GRIN2B: variants seen among roughly 807,000 people sequenced by gnomAD.
GRIN2B encodes glutamate receptor ionotropic, NMDA 2B.
Under a neutral mutation model 114.5 loss-of-function variants are expected in GRIN2B, and 5 were observed. The observed-to-expected ratio is 0.04, with a 90% CI of 0.02 to 0.09. The LOEUF (loss-of-function observed/expected upper bound fraction) is 0.09. Among genes scored for constraint, GRIN2B ranks in the 10% least tolerant of loss-of-function variants. The probability of loss-of-function intolerance (pLI) is 1.00; values close to 1 mark genes in which losing one functional copy is unlikely to be tolerated. For synonymous variants in GRIN2B, 787 were observed against 745.1 expected, an observed-to-expected ratio of 1.06 and a Z score of -0.92; for missense variants, 1,108 against 1,943.5, an observed-to-expected ratio of 0.57 and a Z score of 8.08.
At chr12:13,579,062 G>A (rs1161947931) in intron 10 of GRIN2B, among the ~76,000 whole-genome samples, 1 of 152,166 alleles carries the variant, frequency 6.6e-6, no homozygotes, top group African/African-American at 2.4e-5. Flanking sequence ...CCCAGAGCCT[G>A]TGCACTGGGG....
intron 10 of GRIN2B, among the ~76,000 whole-genome samples, chr12:13,581,595 G>A (rs1244621775): frequency 3.9e-5 from 6 of 152,160 alleles, no homozygotes; most frequent in African/African-American, 9.7e-5. Flanking sequence ...GTGAAAAGGA[G>A]GTAATCTGTG....
intron 10 of GRIN2B, among the ~76,000 whole-genome samples, chr12:13,572,945 C>T (rs1473775471): frequency 6.6e-6 from 1 of 152,212 alleles, no homozygotes; most frequent in Non-Finnish European, 1.5e-5. Context: ...CAATTACTCT[C>T]TAAATGTGCT....
intron 2 of GRIN2B, among the ~76,000 whole-genome samples, chr12:13,968,935 A>G (rs80287381): frequency 0.018 from 2,717 of 152,340 alleles, 40 homozygotes; most frequent in Middle Eastern, 0.054. Flanking sequence ...AGAATCTTCA[A>G]AATGTCCAAG....
At chr12:13,912,914 C>A (rs1020404437) in intron 2 of GRIN2B, among the ~76,000 whole-genome samples, 1 of 152,046 alleles carries the variant, frequency 6.6e-6, no homozygotes, top group African/African-American at 2.4e-5. Context: ...GCTTAGAAAA[C>A]GAAGTAGGCA....
At chr12:13,648,957 G>C (rs1023883879) in intron 5 of GRIN2B, among the ~76,000 whole-genome samples, 1 of 152,050 alleles carries the variant, frequency 6.6e-6, no homozygotes, top group African/African-American at 2.4e-5. Flanking sequence ...GGAGAAGAAA[G>C]AGGGATAAGA....
chr12:13,716,985 T>C (rs1246110355), intron 4 of GRIN2B, among the ~76,000 whole-genome samples: 1 of 151,814 alleles, frequency 6.6e-6, no homozygotes, highest in Admixed American at 6.6e-5. Context: ...AACGGTCAGT[T>C]CTCAACAGAA....
At chr12:13,856,861 A>G (rs116622228) in intron 3 of GRIN2B, among the ~76,000 whole-genome samples, 1,767 of 152,140 alleles carry the variant, frequency 0.012, 36 homozygotes, top group African/African-American at 0.04. Flanking sequence ...TCCAGCCCAA[A>G]TCATTCACTC....
At chr12:13,864,539 C>A (rs1270558668) in intron 3 of GRIN2B, among the ~76,000 whole-genome samples, 1 of 152,174 alleles carries the variant, frequency 6.6e-6, no homozygotes, top group Non-Finnish European at 1.5e-5. Context: ...ACTAACTATT[C>A]TAAGACGTGA....
rs148787143 is a variant in GRIN2B at position 13,668,055 on chromosome 12, G to A, written c.1125+7690C>T. On this transcript the variant is annotated intron_variant, in intron 5 of 13. Transcript: ENST00000609686. ...TTAGAGGACTCAGGGACAAACCACA[G>A]ATAACTGTCATGAAACAAAAATCTC... Among the ~76,000 whole-genome samples, 822 of 152,236 alleles carry A rather than the reference G, an allele frequency of 5.4e-3. 4 individuals are homozygous for A. The highest frequency in any genetic ancestry group is 6.6e-3 in the Non-Finnish European group (449 of 68,010).
At chr12:13,686,574 G>T (rs1395566952) in intron 4 of GRIN2B, among the ~76,000 whole-genome samples, 3 of 151,802 alleles carry the variant, frequency 2.0e-5, no homozygotes, top group Admixed American at 2.0e-4. Context: ...TTTGACCAGG[G>T]CAAATCACAA....
chr12:13,880,905 C>G (rs983686750), intron 2 of GRIN2B, among the ~76,000 whole-genome samples: 1 of 152,164 alleles, frequency 6.6e-6, no homozygotes, highest in Non-Finnish European at 1.5e-5. Flanking sequence ...GGTTGTTCCA[C>G]AGCCTATTTG....
At chr12:13,679,642 A>T (rs188726354) in intron 4 of GRIN2B, among the ~76,000 whole-genome samples, 3 of 152,306 alleles carry the variant, frequency 2.0e-5, no homozygotes. Context: ...TTAATCATTC[A>T]CACTGTGTTT....
chr12:13,548,934 C>T lies in GRIN2B; in HGVS notation c.*13849G>A, dbSNP rs1948379227. 1 of 151,938 alleles carries T rather than the reference C, an allele frequency of 6.6e-6. No homozygotes were observed. Among genetic ancestry groups the T allele is most frequent in the Admixed American group, 6.6e-5 (1 of 15,250 alleles). 9.4% of individuals were successfully genotyped at this position (151,938 alleles called of 1,614,324 possible). A position where few individuals can be genotyped will look rare whatever the true frequency, so the allele number is the denominator to read the frequency against. On this transcript the variant is annotated 3_prime_UTR_variant, in exon 14 of 14. Coordinates refer to ENST00000609686, the MANE Select transcript of GRIN2B (RefSeq NM_000834.5). ...TTGATGGTATAGAAGTCTCCTCACT[C>T]ATTCATCTAAGGACTTTTCCATCTT... is the stretch of plus-strand genomic sequence containing the variant.
At position 13,962,010 on chromosome 12, in the gene GRIN2B, T is replaced by C. The variant is rs147129351; in HGVS notation, c.-19+17918A>G. 2.5e-3 allele frequency among the ~76,000 whole-genome samples: 386 copies of C among 152,230 alleles called. 1 individual carries two copies. The highest frequency in any genetic ancestry group is 3.5e-3 in the Non-Finnish European group (240 of 68,012). On this transcript the variant is annotated intron_variant, in intron 2 of 13. Transcript: ENST00000609686. ...ACAGAAATCAGAATCAGTGCCCTTA[T>C]GAATATACCCTAAAGTTCTTATACC...
intron 2 of GRIN2B, among the ~76,000 whole-genome samples, chr12:13,887,259 T>A (rs984328990): frequency 6.6e-6 from 1 of 152,374 alleles, no homozygotes; most frequent in East Asian, 1.9e-4. Flanking sequence ...TTCTTAAAAC[T>A]TTTTAATAAT....
At chr12:13,565,793 G>A (rs532913644) in intron 13 of GRIN2B, among the ~76,000 whole-genome samples, 1 of 152,314 alleles carries the variant, frequency 6.6e-6, no homozygotes, top group South Asian at 2.1e-4. Flanking sequence ...AAAGAAGAAA[G>A]GTTTAGACAA....
chr12:13,779,100 G>A (rs1002273675), intron 3 of GRIN2B, among the ~76,000 whole-genome samples: 2 of 152,164 alleles, frequency 1.3e-5, no homozygotes, highest in Admixed American at 1.3e-4. Flanking sequence ...CCAGGCTGGA[G>A]TGCAGTGGTG....
chr12:13,567,317 CAGAGA>C, intron 12 of GRIN2B, 54 bp from the exon 13 acceptor site: 1 of 1,302,594 alleles, frequency 7.7e-7, no homozygotes, highest in South Asian at 1.2e-5. Context: ...AGGAAAGGAG[CAGAGA>C]AAAGGGAGAA....
intron 2 of GRIN2B, among the ~76,000 whole-genome samples, chr12:13,910,979 T>A (rs914102029): frequency 6.6e-6 from 1 of 152,068 alleles, no homozygotes; most frequent in Non-Finnish European, 1.5e-5. Flanking sequence ...GCCATCAAAC[T>A]TCAGTTTACA....
Sources: allele counts gnomAD v4.1 joint callset (sites outside exome capture counted in the v4.1 genomes callset), GRCh38; gene constraint gnomAD v4.1.1; transcripts MANE v1.5; gene names NCBI Gene and HGNC (gene_info 2026-07-23, HGNC 2026-07-21).